Variants in PGM3 observed in about 807,000 individuals in gnomAD.
The protein encoded by PGM3 is phosphoglucomutase 3.
Under a neutral mutation model 66.2 loss-of-function variants are expected in PGM3, and 40 were observed. The ratio of observed to expected loss-of-function variants is 0.60; its 90% confidence interval spans 0.47 to 0.79. PGM3 has a LOEUF of 0.79. Ranked by LOEUF, PGM3 falls within the 30% of genes least tolerant of loss-of-function variation. The pLI, the probability that PGM3 is intolerant of heterozygous loss-of-function variation, is 0.00. For missense variants in PGM3, 537 were observed against 643.4 expected (o/e 0.83, Z 1.79); for synonymous variants, 191 against 224.2 (o/e 0.85, Z 1.32).
chr6:83,183,911 T>TC (rs1788386437), intron 4 of PGM3, among the ~76,000 whole-genome samples: 1 of 151,936 alleles, frequency 6.6e-6, no homozygotes, highest in African/African-American at 2.4e-5. Context: ...AGACAGGGTT[T>TC]CATCATGTTG....
chr6:83,190,246 TTTTA>T (rs1346851516), intron 2 of PGM3, among the ~76,000 whole-genome samples: 4 of 152,188 alleles, frequency 2.6e-5, no homozygotes, highest in African/African-American at 7.2e-5. Flanking sequence ...ATTATACAAT[TTTTA>T]TTTATCACTT....
At chr6:83,189,863 G>A (rs1788910998) in intron 2 of PGM3, among the ~76,000 whole-genome samples, 1 of 152,178 alleles carries the variant, frequency 6.6e-6, no homozygotes, top group African/African-American at 2.4e-5. Flanking sequence ...AAGACATTAT[G>A]CGAAGTTAAA....
chr6:83,174,818 C>T (rs1426898696), intron 9 of PGM3, among the ~76,000 whole-genome samples: 2 of 152,118 alleles, frequency 1.3e-5, no homozygotes, highest in Non-Finnish European at 2.9e-5. Flanking sequence ...TCTGTGCAAC[C>T]AGGTTACTTA....
Position 83,165,793 on chromosome 6 carries a change from C to A in PGM3, c.*3441G>T. ...TGTGCAACGTGCGGCCCAGTGTTGT[C>A]GTGAAAAGAATTGGGCCCTTTCTGG... On this transcript the variant is annotated 3_prime_UTR_variant, in exon 13 of 13. Transcript: ENST00000513973. 6.9e-6 allele frequency: 2 copies of A among 288,176 alleles called. No individual in the cohort carries two copies. Among genetic ancestry groups the A allele is most frequent in the South Asian group, 7.1e-5 (2 of 28,132 alleles). 17.9% of individuals were successfully genotyped at this position (288,176 alleles called of 1,614,324 possible). A position where few individuals can be genotyped will look rare whatever the true frequency, so the allele number is the denominator to read the frequency against.
chr6:83,152,722 A>G, the PGM3 span, among the ~76,000 whole-genome samples: 193 of 148,042 alleles, frequency 1.3e-3, 8 homozygotes, highest in South Asian at 0.039. Flanking sequence ...GGCTCAAGCT[A>G]TTCTCCTCCC....
At chr6:83,160,257 A>G (rs1783920626), downstream of PGM3, among the ~76,000 whole-genome samples, 1 of 152,190 alleles carries the variant, frequency 6.6e-6, no homozygotes, top group South Asian at 2.1e-4. Context: ...CTCATGCACA[A>G]GACACACTGA....
At chr6:83,156,364 G>T (rs1489264288), downstream of PGM3, among the ~76,000 whole-genome samples, 2 of 152,160 alleles carry the variant, frequency 1.3e-5, no homozygotes, top group African/African-American at 2.4e-5. Flanking sequence ...TGAGGATGAG[G>T]TATAAGATGA....
the PGM3 span, chr6:83,153,797 A>G: frequency 2.3e-6 from 3 of 1,310,042 alleles, no homozygotes; most frequent in East Asian, 2.4e-5. Context: ...TCATATCTTC[A>G]TGTCACTGTC....
At chr6:83,159,447 T>C (rs922727369), downstream of PGM3, among the ~76,000 whole-genome samples, 2 of 151,804 alleles carry the variant, frequency 1.3e-5, no homozygotes, top group African/African-American at 4.8e-5. Context: ...CTAGTGTTTT[T>C]TTTTTTTGTC....
Position 83,174,470 on chromosome 6 carries a change from AG to A in PGM3, c.1145del (p.Ala382ValfsTer4), listed in dbSNP as rs1787602814. ...NGHGTALFST[A>X]VEMKIKQSAE... The stretch of plus-strand genomic sequence containing the variant: ...CTGATTGTTTTATCTTCATTTCAAC[AG>A]CTGTACTAAACAGTGCCTGCAGCAA... On this transcript the variant is annotated frameshift_variant, in exon 10 of 13. Coordinates refer to ENST00000513973, the MANE Select transcript of PGM3 (RefSeq NM_015599.3). LOFTEE classifies it high-confidence loss of function. 1 of 1,591,526 alleles carries A rather than the reference AG, an allele frequency of 6.3e-7. No individual in the cohort carries two copies. The highest frequency in any genetic ancestry group is 1.1e-5 in the South Asian group (1 of 89,326).
At chr6:83,154,653 A>G in the PGM3 span, among the ~76,000 whole-genome samples, 1 of 152,170 alleles carries the variant, frequency 6.6e-6, no homozygotes, top group Non-Finnish European at 1.5e-5. Context: ...CCTATCAGAC[A>G]AGTCACTTTA....
At chr6:83,154,258 G>A in the PGM3 span, 1 of 1,606,888 alleles carries the variant, frequency 6.2e-7, no homozygotes, top group Admixed American at 1.7e-5. Context: ...ATTACGGGAT[G>A]ACAATCCAAG....
At chr6:83,154,001 T>C in the PGM3 span, 1 of 1,614,168 alleles carries the variant, frequency 6.2e-7, no homozygotes. Context: ...GACCTCTTTA[T>C]GGATCCCAGT....
In PGM3 at chr6:83,170,485, G is replaced by A; in HGVS notation, c.1366-7C>T. On this transcript the variant is annotated splice_region_variant and splice_polypyrimidine_tract_variant and intron_variant, in intron 11 of 12. Coordinates refer to ENST00000513973, the MANE Select transcript of PGM3 (RefSeq NM_015599.3). ...TAACTCTCCTGTCTGCAACCTAAGT[G>A]CAAGCATTTCATATTTGTTACTCTA... The A allele has an allele frequency of 1.2e-6, 2 of 1,611,774 alleles. No homozygotes were observed. The highest frequency in any genetic ancestry group is 8.5e-7 in the Non-Finnish European group (1 of 1,178,070).
chr6:83,164,169 A>G (rs765005889), downstream of PGM3, among the ~76,000 whole-genome samples: 15 of 149,704 alleles, frequency 1.0e-4, no homozygotes, highest in Non-Finnish European at 2.2e-4. Context: ...ATCAGGCAGC[A>G]GCTCTTAAAC....
At chr6:83,182,102 A>G (rs1788218343) in intron 5 of PGM3, among the ~76,000 whole-genome samples, 171 bp from the exon 6 acceptor site, 1 of 152,246 alleles carries the variant, frequency 6.6e-6, no homozygotes, top group Admixed American at 6.5e-5. Context: ...ATTATAAAAC[A>G]CTAAAGTAAA....
At chr6:83,164,849 CTGG>C (rs369673810), downstream of PGM3, 104 of 667,650 alleles carry the variant, frequency 1.6e-4, 2 homozygotes, top group South Asian at 2.0e-3. Context: ...CAAGTGTGGA[CTGG>C]TGAAGTCAAA....
chr6:83,174,341 T>TA lies in PGM3; in HGVS notation c.1242+32dup, dbSNP rs760735121. On this transcript the variant is annotated intron_variant, in intron 10 of 12. Coordinates refer to ENST00000513973, the MANE Select transcript of PGM3 (RefSeq NM_015599.3). Reference sequence around the variant, plus strand: ...GTCCATCTTCTGAATAATGTAAAGGTAACCAAGAGTCCACTGCCCCATCAG... The same window carrying TA: ...GTCCATCTTCTGAATAATGTAAAGGTAAACCAAGAGTCCACTGCCCCATCAG... The TA allele has an allele frequency of 4.6e-5, 50 of 1,094,026 alleles. No individual in the cohort carries two copies. The African/African-American group carries it at 7.6e-4, about 17-fold the overall frequency. 67.8% of individuals were successfully genotyped at this position (1,094,026 alleles called of 1,614,324 possible).
rs1265283804 is a variant in PGM3, at chr6:83,166,670, G to A, written c.*2564C>T. On this transcript the variant is annotated 3_prime_UTR_variant, in exon 13 of 13. Transcript: ENST00000513973. ...TCAACAATGCAAAAACCGCAATTAC[G>A]TTTGCACCAACCTAATATTTTCCTT... is the stretch of plus-strand genomic sequence containing the variant. 9.4e-6 allele frequency: 12 copies of A among 1,270,156 alleles called. No individual in the cohort carries two copies. Among genetic ancestry groups the A allele is most frequent in the African/African-American group, 3.1e-5 (2 of 65,376 alleles). The allele number at this position is 1,270,156 out of a possible 1,614,324, so 78.7% of individuals were successfully genotyped here. A position where few individuals can be genotyped will look rare whatever the true frequency, so the allele number is the denominator to read the frequency against.
Sources: allele counts gnomAD v4.1 joint callset (sites outside exome capture counted in the v4.1 genomes callset), GRCh38; gene constraint gnomAD v4.1.1; transcripts MANE v1.5; gene names NCBI Gene and HGNC (gene_info 2026-07-23, HGNC 2026-07-21).